The following CLCN4 variants were observed in gnomAD, a reference collection of about 807,000 sequenced individuals.
CLCN4 encodes the protein H(+)/Cl(-) exchange transporter 4.
A neutral mutation model predicts 41.7 loss-of-function variants in CLCN4; 1 was observed. The observed-to-expected ratio is 0.02, with a 90% confidence interval of 0.01 to 0.11. The LOEUF is 0.11. CLCN4 is among the 10% of genes least tolerant of loss of function. The pLI, the probability that CLCN4 is intolerant of heterozygous loss-of-function variation, is 1.00. For synonymous variants in CLCN4, 277 were observed against 285.8 expected (o/e 0.97, Z 0.31); for missense variants, 287 against 661.0 (o/e 0.43, Z 6.20).
At chrX:10,208,724 T>A in intron 9 of CLCN4, 134 bp downstream of exon 9, 1 of 494,232 alleles carries the variant, frequency 2.0e-6, no homozygotes, top group Non-Finnish European at 3.3e-6. Flanking sequence ...TGCCAGGCAC[T>A]TGACATTCCT....
intron 6 of CLCN4, among the ~76,000 whole-genome samples, chrX:10,200,266 T>TCC (rs1283730330): frequency 8.9e-6 from 1 of 112,252 alleles, no homozygotes; most frequent in Non-Finnish European, 1.9e-5. Context: ...CAAGCAATCC[T>TCC]CCCGCCTTGG....
At chrX:10,189,142 A>G (rs1221010228) in intron 4 of CLCN4, among the ~76,000 whole-genome samples, 2 of 111,959 alleles carry the variant, frequency 1.8e-5, no homozygotes, top group African/African-American at 3.3e-5. Context: ...ATGAATTTTG[A>G]TGTCCTTATT....
intron 9 of CLCN4, among the ~76,000 whole-genome samples, chrX:10,210,805 G>A (rs1374751986): frequency 1.9e-5 from 2 of 106,381 alleles, no homozygotes; most frequent in Non-Finnish European, 3.9e-5. Context: ...GTGCCACCAT[G>A]CCCAGCTGAT....
intron 12 of CLCN4, among the ~76,000 whole-genome samples, chrX:10,224,116 G>C (rs919444495): frequency 8.1e-5 from 9 of 111,119 alleles, no homozygotes; most frequent in African/African-American, 3.0e-4. Context: ...ACGAACCCAA[G>C]GCAGCTCCTG....
intron 4 of CLCN4, among the ~76,000 whole-genome samples, chrX:10,192,791 A>G (rs1924001223): frequency 1.8e-5 from 2 of 112,335 alleles, no homozygotes; most frequent in South Asian, 7.4e-4. Context: ...GCCAGCAATG[A>G]CTTCAACACG....
chrX:10,187,191 C>T (rs941863249), intron 3 of CLCN4, among the ~76,000 whole-genome samples: 1 of 112,246 alleles, frequency 8.9e-6, no homozygotes, highest in Non-Finnish European at 1.9e-5. Context: ...ATGGAGACAC[C>T]GAACCAATGT....
intron 2 of CLCN4, among the ~76,000 whole-genome samples, chrX:10,168,559 C>T (rs1923306338): frequency 8.9e-6 from 1 of 112,526 alleles, no homozygotes; most frequent in Non-Finnish European, 1.9e-5. Context: ...AAAAACCTCA[C>T]TTTTGTAAAG....
At chrX:10,211,780 C>A (rs968354115) in intron 9 of CLCN4, among the ~76,000 whole-genome samples, 2 of 112,210 alleles carry the variant, frequency 1.8e-5, no homozygotes, top group Non-Finnish European at 3.8e-5. Context: ...GTATCTTCAT[C>A]CAGCAGGGTA....
At chrX:10,221,163 T>C (rs1273047751) in intron 12 of CLCN4, among the ~76,000 whole-genome samples, 1 of 110,899 alleles carries the variant, frequency 9.0e-6, no homozygotes, top group East Asian at 2.8e-4. Context: ...TTGGTGTTGC[T>C]TTTCTACCAC....
chrX:10,184,941 A>G, intron 2 of CLCN4, 81 bp from the exon 3 acceptor site: 1 of 810,456 alleles, frequency 1.2e-6, no homozygotes, highest in East Asian at 3.2e-5. Flanking sequence ...TTATATAAGA[A>G]AATAGGGCAC....
intron 11 of CLCN4, among the ~76,000 whole-genome samples, chrX:10,215,486 G>A (rs749322702): frequency 2.7e-5 from 3 of 111,774 alleles, no homozygotes; most frequent in Admixed American, 1.9e-4. Flanking sequence ...TATAGGTCCT[G>A]TTGCTTAACG....
At chrX:10,217,197 C>T (rs1924747970) in intron 11 of CLCN4, among the ~76,000 whole-genome samples, 4 of 108,899 alleles carry the variant, frequency 3.7e-5, no homozygotes, top group South Asian at 4.0e-4. Flanking sequence ...ACCCACTGGG[C>T]TCAAGCAGTC....
intron 2 of CLCN4, among the ~76,000 whole-genome samples, chrX:10,176,056 G>A (rs748468101): frequency 1.8e-5 from 2 of 109,683 alleles, no homozygotes; most frequent in African/African-American, 6.7e-5. Context: ...ACATCCTTTA[G>A]TTGCATTGTT....
At chrX:10,194,458 C>G (rs755666622) in intron 4 of CLCN4, among the ~76,000 whole-genome samples, 4 of 111,970 alleles carry the variant, frequency 3.6e-5, no homozygotes, top group Non-Finnish European at 7.5e-5. Flanking sequence ...CAAAACCTTA[C>G]TCATTTATGA....
At chrX:10,179,009 G>C (rs1256533656) in intron 2 of CLCN4, among the ~76,000 whole-genome samples, 1 of 111,694 alleles carries the variant, frequency 9.0e-6, no homozygotes, top group Admixed American at 9.5e-5. Context: ...CTTTTGAGAG[G>C]ATCCCTTTTG....
intron 2 of CLCN4, among the ~76,000 whole-genome samples, chrX:10,177,965 T>C (rs1923576645): frequency 8.9e-6 from 1 of 112,174 alleles, no homozygotes; most frequent in Admixed American, 9.4e-5. Context: ...GGTGAAGCAC[T>C]GATACGCACC....
rs751823008 is a variant in CLCN4, at chrX:10,233,928, A to G, written c.*344A>G. On this transcript the variant is annotated 3_prime_UTR_variant, in exon 13 of 13. Coordinates refer to ENST00000380833, the MANE Select transcript of CLCN4 (RefSeq NM_001830.4). ...CAAGAAACTTTTACTCCTTCTGCTC[A>G]AGGCTGATGTTTGTAACTTATGAAC... is the stretch of plus-strand genomic sequence containing the variant. The G allele has an allele frequency of 4.5e-5, 7 of 154,748 alleles. No individual in the cohort carries two copies. Among genetic ancestry groups the G allele is most frequent in the African/African-American group, 1.9e-4 (6 of 32,080 alleles). 12.8% of individuals were successfully genotyped at this position (154,748 alleles called of 1,213,427 possible). A position where few individuals can be genotyped will look rare whatever the true frequency, so the allele number is the denominator to read the frequency against.
At chrX:10,196,026 G>A (rs752721003) in intron 5 of CLCN4, among the ~76,000 whole-genome samples, 2 of 112,250 alleles carry the variant, frequency 1.8e-5, no homozygotes, top group African/African-American at 6.5e-5. Flanking sequence ...GTTACTCTAT[G>A]TTTAACCTTT....
intron 6 of CLCN4, among the ~76,000 whole-genome samples, chrX:10,201,489 A>T (rs1395441700): frequency 8.9e-6 from 1 of 111,870 alleles, no homozygotes; most frequent in Non-Finnish European, 1.9e-5. Context: ...GGTCAGAGTA[A>T]AAAGTAAATA....
Sources: allele counts gnomAD v4.1 joint callset (sites outside exome capture counted in the v4.1 genomes callset), GRCh38; gene constraint gnomAD v4.1.1; transcripts MANE v1.5; gene names NCBI Gene and HGNC (gene_info 2026-07-23, HGNC 2026-07-21).